AGPAT3: variants seen among roughly 807,000 people sequenced by gnomAD.
AGPAT3 encodes 1-acyl-sn-glycerol-3-phosphate acyltransferase gamma.
AGPAT3 carries 5 observed loss-of-function variants against 47.3 expected under a neutral mutation model. The observed-to-expected ratio is 0.11, with a 90% CI of 0.06 to 0.22. The LOEUF (loss-of-function observed/expected upper bound fraction) is 0.22, where lower values mean the gene tolerates loss of function less well. Among genes scored for constraint, AGPAT3 ranks in the 10% least tolerant of loss-of-function variants. AGPAT3 has a pLI of 1.00. For synonymous variants in AGPAT3, 212 were observed against 208.3 expected, an observed-to-expected ratio of 1.02 and a Z score of -0.15; for missense variants, 315 against 493.0, an observed-to-expected ratio of 0.64 and a Z score of 3.42.
At chr21:43,924,227 G>A (rs1301799475) in intron 2 of AGPAT3, among the ~76,000 whole-genome samples, 5 of 149,796 alleles carry the variant, frequency 3.3e-5, no homozygotes, top group African/African-American at 7.4e-5. Context: ...GGGTTTCACC[G>A]TGTTAGCCAG....
rs1037316564 is a variant in AGPAT3 at position 43,880,914 on chromosome 21, G to A, written c.-112+15569G>A. ...TAACTGTTCGTAGCAAGGAAGATTT[G>A]TTTTCAGGCTGGTGGTTTGATTACA... On this transcript the variant is annotated intron_variant, in intron 1 of 9. Coordinates refer to ENST00000291572, the MANE Select transcript of AGPAT3 (RefSeq NM_020132.5). The surrounding 1 kb of genome is among the most constrained non-coding windows in gnomAD (Gnocchi z 4.5). 6.6e-6 allele frequency among the ~76,000 whole-genome samples: 1 copy of A among 152,024 alleles called. No individual in the cohort carries two copies. The highest frequency in any genetic ancestry group is 6.6e-5 in the Admixed American group (1 of 15,232).
At chr21:43,963,102 G>A (rs1278360966) in intron 3 of AGPAT3, among the ~76,000 whole-genome samples, 1 of 152,178 alleles carries the variant, frequency 6.6e-6, no homozygotes, top group African/African-American at 2.4e-5. Context: ...TATCAGATTA[G>A]ACACAGTTAA....
rs930341522 is a variant in AGPAT3 at position 43,920,462 on chromosome 21, G to A, written c.-49+16443G>A. On this transcript the variant is annotated intron_variant, in intron 2 of 9. Transcript: ENST00000291572. This position sits in a 1 kb window ranked among gnomAD's most constrained non-coding sequence, Gnocchi z 6.1. ...CAGCTCCTACAACCTTTAGTGCTGA[G>A]TGTCTTTTTTTTTGCTAATGAGGTG... Among the ~76,000 whole-genome samples the A allele has an allele frequency of 3.9e-5, 6 of 152,162 alleles. No homozygotes were observed. The highest frequency in any genetic ancestry group is 7.3e-5 in the Non-Finnish European group (5 of 68,040).
chr21:43,953,208 CAG>C (rs1250688034), intron 2 of AGPAT3, among the ~76,000 whole-genome samples: 4 of 152,216 alleles, frequency 2.6e-5, no homozygotes, highest in Admixed American at 1.3e-4. Flanking sequence ...GGAAAGGGGA[CAG>C]AGAGACGTGC....
At chr21:43,916,420 T>TGGTACGAACATATC (rs1159871889) in intron 2 of AGPAT3, 2 of 152,360 alleles carry the variant, frequency 1.3e-5, no homozygotes, top group African/African-American at 4.8e-5. Flanking sequence ...TCGGGTTATT[T>TGGTACGAACATATC]GGTACGAACA....
intron 7 of AGPAT3, among the ~76,000 whole-genome samples, chr21:43,975,356 CAT>C (rs1023650667): frequency 1.2e-4 from 18 of 147,278 alleles, no homozygotes; most frequent in African/African-American, 4.4e-4. Flanking sequence ...TGTGTGCTGG[CAT>C]GTGTGTGGCA....
In AGPAT3 at chr21:43,971,148, G is replaced by A. The variant is rs77943855; in HGVS notation, c.665-240G>A. 9.3e-3 allele frequency among the ~76,000 whole-genome samples: 1,416 copies of A among 152,330 alleles called. 20 individuals carry two copies. The highest frequency in any genetic ancestry group is 0.048 in the Middle Eastern group (14 of 294). Reference sequence around the variant, plus strand: ...CAGACAGCAGGGTCACACTCACAGCGTCAGTACCCATGGGAAACGTCAGCC... The same window carrying A: ...CAGACAGCAGGGTCACACTCACAGCATCAGTACCCATGGGAAACGTCAGCC... On this transcript the variant is annotated intron_variant, in intron 6 of 9. Transcript: ENST00000291572.
At chr21:43,914,309 G>A (rs1386253611) in intron 2 of AGPAT3, among the ~76,000 whole-genome samples, 1 of 152,176 alleles carries the variant, frequency 6.6e-6, no homozygotes, top group Admixed American at 6.5e-5. Flanking sequence ...TTTTATGTCA[G>A]TGTTGCTTCA....
At chr21:43,960,679 T>C in intron 3 of AGPAT3, 1 of 954,874 alleles carries the variant, frequency 1.0e-6, no homozygotes, top group Non-Finnish European at 1.2e-6. Flanking sequence ...GGAGACTAAT[T>C]ATGCGGCACC....
chr21:43,963,508 G>C (rs995412652), intron 3 of AGPAT3, among the ~76,000 whole-genome samples: 1 of 151,988 alleles, frequency 6.6e-6, no homozygotes, highest in African/African-American at 2.4e-5. Context: ...TCAGGAGTTT[G>C]AGACCAGCCT....
At chr21:43,956,484 C>G (rs1320463124) in intron 2 of AGPAT3, among the ~76,000 whole-genome samples, 1 of 152,224 alleles carries the variant, frequency 6.6e-6, no homozygotes, top group Non-Finnish European at 1.5e-5. Flanking sequence ...GTGTTCAACA[C>G]AGACCGTGGA....
chr21:43,964,797 G>T (rs2089045672), intron 3 of AGPAT3: 1 of 152,168 alleles, frequency 6.6e-6, no homozygotes, highest in Non-Finnish European at 1.5e-5. Context: ...TGACTTGTTG[G>T]ATTTGGGATG....
rs1360963708 is a variant in AGPAT3 at position 43,917,871 on chromosome 21, TGTG to T, written c.-49+13854_-49+13856del. Among the ~76,000 whole-genome samples, 11 of 87,574 alleles carry T rather than the reference TGTG, an allele frequency of 1.3e-4. No homozygotes were observed. In the East Asian group the frequency reaches 1.6e-3, roughly 13 times the overall value. The allele number at this position is 87,574 out of a possible 152,430, so 57.5% of individuals were successfully genotyped here. ...TGGGTGTTGTAGGAGTTGTGAGTGT[TGTG>T]GGGGTTGTGGGGGTTGTAGGGGTTG... On this transcript the variant is annotated intron_variant, in intron 2 of 9. Coordinates refer to ENST00000291572, the MANE Select transcript of AGPAT3 (RefSeq NM_020132.5).
At chr21:43,960,163 A>G (rs2088759974) in intron 3 of AGPAT3, among the ~76,000 whole-genome samples, 1 of 152,208 alleles carries the variant, frequency 6.6e-6, no homozygotes, top group African/African-American at 2.4e-5. Flanking sequence ...CCCGTTACCA[A>G]GCTCCAACAG....
chr21:43,872,840 C>T (rs980532570), intron 1 of AGPAT3, among the ~76,000 whole-genome samples: 5 of 152,188 alleles, frequency 3.3e-5, no homozygotes, highest in East Asian at 1.9e-4. Context: ...AGTTCTGAAT[C>T]GTCCCACTCT....
intron 1 of AGPAT3, among the ~76,000 whole-genome samples, chr21:43,901,337 AAAG>A (rs1482138457): frequency 6.7e-6 from 1 of 150,026 alleles, no homozygotes; most frequent in Non-Finnish European, 1.5e-5. Context: ...AAAAAAAAAA[AAAG>A]AGAAGAGAAA....
At chr21:43,907,544 C>T (rs1455915637) in intron 2 of AGPAT3, among the ~76,000 whole-genome samples, 3 of 152,068 alleles carry the variant, frequency 2.0e-5, no homozygotes, top group South Asian at 2.1e-4. Context: ...GGTGAAACCC[C>T]ATCTCTACTA....
intron 1 of AGPAT3, among the ~76,000 whole-genome samples, chr21:43,865,776 C>T (rs2085491086): frequency 1.3e-5 from 2 of 151,878 alleles, no homozygotes; most frequent in African/African-American, 4.8e-5. Context: ...GGGCCCCGCT[C>T]GGCTCCCCCG....
rs1371358454 is a variant in AGPAT3, at chr21:43,920,518, G to A, written c.-49+16499G>A. 1.3e-5 allele frequency among the ~76,000 whole-genome samples: 2 copies of A among 152,106 alleles called. No homozygotes were observed. Among genetic ancestry groups the A allele is most frequent in the Admixed American group, 6.5e-5 (1 of 15,274 alleles). On this transcript the variant is annotated intron_variant, in intron 2 of 9. Coordinates refer to ENST00000291572, the MANE Select transcript of AGPAT3 (RefSeq NM_020132.5). This position sits in a 1 kb window ranked among gnomAD's most constrained non-coding sequence, Gnocchi z 6.1. ...GGCTGGGGCTCCAGGACAGCCTCCT[G>A]GGGGACTGGTTGCCAGGGCAACTGA...
Sources: gnomAD v4.1 joint callset for allele counts (sites outside exome capture counted in the v4.1 genomes callset) on GRCh38, gnomAD v4.1.1 for gene constraint, Gnocchi (gnomAD v3.1) non-coding constraint, MANE v1.5 for transcripts, NCBI Gene and HGNC (gene_info 2026-07-23, HGNC 2026-07-21) for gene names.